Variants in CCSER1 observed in about 807,000 individuals in gnomAD.
CCSER1 encodes the protein serine-rich coiled-coil domain-containing protein 1.
A neutral mutation model predicts 82.0 loss-of-function variants in CCSER1; 41 were observed. The observed-to-expected ratio is 0.50, with a 90% CI of 0.39 to 0.65. The LOEUF (loss-of-function observed/expected upper bound fraction) is 0.65, where lower values mean the gene tolerates loss of function less well. Ranked by LOEUF, CCSER1 falls within the 30% of genes least tolerant of loss-of-function variation. The pLI is 0.00. For synonymous variants in CCSER1, 414 were observed against 383.9 expected, an observed-to-expected ratio of 1.08 and a Z score of -0.92; for missense variants, 1,119 against 1,064.2, an observed-to-expected ratio of 1.05 and a Z score of -0.72.
At chr4:90,283,227 C>T (rs935799118) in intron 1 of CCSER1, among the ~76,000 whole-genome samples, 18 of 151,882 alleles carry the variant, frequency 1.2e-4, no homozygotes, top group Non-Finnish European at 2.1e-4. Context: ...ACACCATCCC[C>T]GATCCCATGC....
intron 10 of CCSER1, among the ~76,000 whole-genome samples, chr4:91,161,921 C>T (rs1393963529): frequency 6.6e-6 from 1 of 152,074 alleles, no homozygotes; most frequent in African/African-American, 2.4e-5. Flanking sequence ...ATTGAATACC[C>T]TGTATTTTTT....
intron 9 of CCSER1, among the ~76,000 whole-genome samples, chr4:90,934,855 C>T (rs937723994): frequency 2.6e-5 from 4 of 152,000 alleles, no homozygotes; most frequent in South Asian, 2.1e-4. Flanking sequence ...CGCTTGAACC[C>T]GGGAGGCAGA....
intron 8 of CCSER1, among the ~76,000 whole-genome samples, chr4:90,898,494 G>T (rs1473798827): frequency 6.7e-6 from 1 of 150,070 alleles, no homozygotes; most frequent in Non-Finnish European, 1.5e-5. Context: ...CACTATGTTG[G>T]CCAGGTTGGT....
intron 1 of CCSER1, among the ~76,000 whole-genome samples, chr4:90,289,109 G>A (rs1198479252): frequency 1.3e-5 from 2 of 151,918 alleles, no homozygotes; most frequent in African/African-American, 4.8e-5. Context: ...TTTACTTGAT[G>A]CTTTCTTCTG....
At chr4:91,368,524 TTCTC>T (rs1749800301) in intron 10 of CCSER1, among the ~76,000 whole-genome samples, 1 of 152,158 alleles carries the variant, frequency 6.6e-6, no homozygotes, top group Non-Finnish European at 1.5e-5. Context: ...TTTTAGTTGT[TTCTC>T]TTCTTCTAAA....
intron 10 of CCSER1, among the ~76,000 whole-genome samples, chr4:91,456,721 A>C (rs1356999287): frequency 6.6e-6 from 1 of 152,060 alleles, no homozygotes; most frequent in East Asian, 1.9e-4. Flanking sequence ...CTGTTTTTAT[A>C]AATTGTAGCT....
chr4:90,461,754 A>G (rs1225369126), intron 4 of CCSER1, among the ~76,000 whole-genome samples: 1 of 152,142 alleles, frequency 6.6e-6, no homozygotes, highest in African/African-American at 2.4e-5. Flanking sequence ...CTGGCACTCT[A>G]CTAAGTAACA....
chr4:90,596,241 A>G (rs1035337732), intron 5 of CCSER1, among the ~76,000 whole-genome samples: 9 of 151,950 alleles, frequency 5.9e-5, no homozygotes, highest in Admixed American at 3.9e-4. Context: ...AATTTAAATG[A>G]AAATATTAAA....
chr4:90,131,322 A>G (rs1390040515), intron 1 of CCSER1, among the ~76,000 whole-genome samples: 1 of 152,220 alleles, frequency 6.6e-6, no homozygotes, highest in African/African-American at 2.4e-5. Flanking sequence ...TTAATAGACA[A>G]TATGTACTTG....
chr4:90,469,053 A>G (rs1764005266), intron 5 of CCSER1, among the ~76,000 whole-genome samples: 1 of 152,128 alleles, frequency 6.6e-6, no homozygotes, highest in Non-Finnish European at 1.5e-5. Context: ...AAATAGTATC[A>G]TGCCTCCTTT....
At chr4:91,048,198 G>A (rs1336552197) in intron 9 of CCSER1, among the ~76,000 whole-genome samples, 1 of 151,938 alleles carries the variant, frequency 6.6e-6, no homozygotes, top group African/African-American at 2.4e-5. Context: ...TACTTAGCAA[G>A]ATAGATGGCA....
chr4:90,413,944 G>C lies in CCSER1; in HGVS notation c.1603+13815G>C, dbSNP rs1291437719. Among the ~76,000 whole-genome samples the C allele has an allele frequency of 1.5e-3, 79 of 51,718 alleles. 2 individuals carry two copies. The highest frequency in any genetic ancestry group is 1.6e-3 in the Admixed American group (4 of 2,542). 33.9% of individuals were successfully genotyped at this position (51,718 alleles called of 152,430 possible). ...AGCCTGGGTGACAGAGCGAGACACC[G>C]TCTCAAAAAAAAAAAAAAAAAAAAA... On this transcript the variant is annotated intron_variant, in intron 4 of 10. Transcript: ENST00000509176.
rs578078710 is a variant in CCSER1 at position 91,275,811 on chromosome 4, T to G, written c.2217+189817T>G. On this transcript the variant is annotated intron_variant, in intron 10 of 10. Coordinates refer to ENST00000509176, the MANE Select transcript of CCSER1 (RefSeq NM_001145065.2). ...GTTTCAGCTTTTAGATTTAAGTCTT[T>G]AAACCGTCTTGAGTTGATTTTTGTA... 5.9e-5 allele frequency among the ~76,000 whole-genome samples: 9 copies of G among 152,324 alleles called. No individual in the cohort carries two copies. The South Asian group carries it at 1.9e-3, about 32-fold the overall frequency.
At chr4:90,210,687 C>T (rs1275100412) in intron 1 of CCSER1, among the ~76,000 whole-genome samples, 1 of 152,088 alleles carries the variant, frequency 6.6e-6, no homozygotes, top group African/African-American at 2.4e-5. Flanking sequence ...TCAAGCAATC[C>T]TCTGGCCTCA....
intron 10 of CCSER1, among the ~76,000 whole-genome samples, chr4:91,341,396 A>G (rs926313536): frequency 2.0e-5 from 3 of 152,218 alleles, no homozygotes; most frequent in South Asian, 2.1e-4. Context: ...AAAAAGTTCT[A>G]ATTATTAGTT....
chr4:91,019,285 T>C (rs1251049402), intron 9 of CCSER1, among the ~76,000 whole-genome samples: 3 of 152,024 alleles, frequency 2.0e-5, no homozygotes, highest in Admixed American at 2.0e-4. Flanking sequence ...ATTTAAAATA[T>C]TCCACACTGG....
rs1172130144 is a variant in CCSER1, at chr4:91,599,600, C to T, written c.*543C>T. ...ATGTAACCTAGAGATGTGTTTGTCT[C>T]TATTACATACATTCAAGCTCATCTT... is the stretch of plus-strand genomic sequence containing the variant. On this transcript the variant is annotated 3_prime_UTR_variant, in exon 11 of 11. Transcript: ENST00000509176. 6.6e-6 allele frequency: 1 copy of T among 152,112 alleles called. No homozygotes were observed. Among genetic ancestry groups the T allele is most frequent in the Non-Finnish European group, 1.5e-5 (1 of 68,036 alleles). 9.4% of individuals were successfully genotyped at this position (152,112 alleles called of 1,614,324 possible).
chr4:91,401,144 G>A (rs575104216), intron 10 of CCSER1, among the ~76,000 whole-genome samples: 16 of 151,466 alleles, frequency 1.1e-4, no homozygotes, highest in South Asian at 1.0e-3. Context: ...ATTACCTCAC[G>A]TGCCCATCTA....
At chr4:90,244,917 C>T (rs539745749) in intron 1 of CCSER1, among the ~76,000 whole-genome samples, 21 of 152,254 alleles carry the variant, frequency 1.4e-4, no homozygotes, top group Admixed American at 5.2e-4. Context: ...TAGAGTCACA[C>T]GACCTTGGTT....
Sources: allele counts gnomAD v4.1 joint callset (sites outside exome capture counted in the v4.1 genomes callset), GRCh38; gene constraint gnomAD v4.1.1; transcripts MANE v1.5; gene names NCBI Gene and HGNC (gene_info 2026-07-23, HGNC 2026-07-21).